The following MICALL2 variants were observed in gnomAD, a reference collection of about 807,000 sequenced individuals.
MICALL2 encodes MICAL like 2.
MICALL2 carries 111 observed loss-of-function variants against 91.1 expected under a neutral mutation model. The ratio of observed to expected loss-of-function variants is 1.22; its 90% CI spans 1.04 to 1.43. MICALL2 has a LOEUF of 1.43. MICALL2 is among the 40% of genes most tolerant of loss of function. The pLI, the probability that MICALL2 is intolerant of heterozygous loss-of-function variation, is 0.00. For missense variants in MICALL2, 1,556 were observed against 1,236.0 expected, an observed-to-expected ratio of 1.26 and a Z score of -3.88; for synonymous variants, 694 against 525.3, an observed-to-expected ratio of 1.32 and a Z score of -4.39.
chr7:1,439,358 C>A (rs548439163), intron 9 of MICALL2: 21 of 251,058 alleles, frequency 8.4e-5, no homozygotes, highest in South Asian at 8.2e-4. Context: ...GCATCACATT[C>A]ATGAAACAGA....
intron 2 of MICALL2, 127 bp from the exon 3 acceptor site, chr7:1,448,888 T>C: frequency 8.7e-7 from 1 of 1,148,198 alleles, no homozygotes; most frequent in Non-Finnish European, 1.2e-6. Context: ...AGGCCGGAGC[T>C]GAGTTCTGCT....
intron 2 of MICALL2, 137 bp from the exon 3 acceptor site, chr7:1,448,898 T>G: frequency 2.0e-6 from 2 of 1,008,990 alleles, no homozygotes; most frequent in South Asian, 3.1e-5. Flanking sequence ...TGAGTTCTGC[T>G]CGCGTGGCCT....
intron 9 of MICALL2, chr7:1,439,649 C>T: frequency 2.7e-6 from 1 of 375,664 alleles, no homozygotes; most frequent in Middle Eastern, 6.7e-4. Context: ...GCATCACGTG[C>T]ACATGCATCA....
At chr7:1,458,568 G>T (rs1243324412) in intron 1 of MICALL2, among the ~76,000 whole-genome samples, 1 of 152,238 alleles carries the variant, frequency 6.6e-6, no homozygotes, top group East Asian at 1.9e-4. Context: ...AGCTACACAC[G>T]CCAAGACCCT....
At chr7:1,445,816 G>A (rs112142017) in intron 5 of MICALL2, among the ~76,000 whole-genome samples, 8 of 152,240 alleles carry the variant, frequency 5.3e-5, no homozygotes, top group African/African-American at 1.9e-4. Context: ...ATGGAACTGG[G>A]AGGACCGGCC....
intron 6 of MICALL2, among the ~76,000 whole-genome samples, chr7:1,443,650 G>A (rs992828690): frequency 3.9e-5 from 6 of 152,204 alleles, no homozygotes; most frequent in East Asian, 1.9e-4. Flanking sequence ...CAGACAGAGA[G>A]AAGGCCACAT....
chr7:1,440,726 T>C (rs1198574421), intron 7 of MICALL2, 42 bp from the exon 8 acceptor site: 1 of 1,541,140 alleles, frequency 6.5e-7, no homozygotes, highest in South Asian at 1.1e-5. Flanking sequence ...GAAGGAGTGC[T>C]GGGAATGGGG....
chr7:1,439,625 A>C (rs890075128), intron 9 of MICALL2: 10 of 333,416 alleles, frequency 3.0e-5, no homozygotes, highest in African/African-American at 2.1e-4. Flanking sequence ...ATACATGAAC[A>C]GACACATGGA....
At chr7:1,457,110 T>C (rs1781045554) in intron 1 of MICALL2, among the ~76,000 whole-genome samples, 1 of 152,128 alleles carries the variant, frequency 6.6e-6, no homozygotes, top group Non-Finnish European at 1.5e-5. Context: ...TGGCTGCACC[T>C]CTCTGATCTC....
chr7:1,443,550 G>T (rs936216130), intron 6 of MICALL2, among the ~76,000 whole-genome samples: 1 of 152,228 alleles, frequency 6.6e-6, no homozygotes, highest in Non-Finnish European at 1.5e-5. Context: ...CATCTTGGCA[G>T]TTATGATCAT....
At position 1,459,165 on chromosome 7, in the gene MICALL2, G is replaced by T; in HGVS notation, c.143+19C>A. 6.3e-7 allele frequency: 1 copy of T among 1,599,120 alleles called. No individual in the cohort carries two copies. The highest frequency in any genetic ancestry group is 8.5e-7 in the Non-Finnish European group (1 of 1,171,728). On this transcript the variant is annotated intron_variant, in intron 1 of 16. Coordinates refer to ENST00000297508, the MANE Select transcript of MICALL2 (RefSeq NM_182924.4). ...CAGCCGAACAGCAGAAGAATCAAAGGGCGCCAGGCAGGACTTACATGAGGT... is the reference window on the plus strand; with the variant it reads ...CAGCCGAACAGCAGAAGAATCAAAGTGCGCCAGGCAGGACTTACATGAGGT...
In MICALL2 at chr7:1,436,451, G is replaced by A. The variant is rs373395982; in HGVS notation, c.2591+291C>T. 1.2e-4 allele frequency among the ~76,000 whole-genome samples: 18 copies of A among 150,498 alleles called. 1 individual carries two copies. The highest frequency in any genetic ancestry group is 4.2e-4 in the African/African-American group (17 of 40,462). On this transcript the variant is annotated intron_variant, in intron 15 of 16. Transcript: ENST00000297508. ...GCCTGTAATCCCAGCTACTCGAGAA[G>A]CTGAGGCAAGAGAATCATTTGAACC...
In MICALL2 at chr7:1,445,403, G is replaced by A. The variant is rs1383705141; in HGVS notation, c.667C>T (p.His223Tyr). Residue 223 changes from histidine (H) to tyrosine (Y), a missense_variant, in exon 6 of 17, where the codon CAC becomes TAC. Physicochemically the swap from His to Tyr is moderately conservative, Grantham distance 83 (BLOSUM62 2). Coordinates refer to ENST00000297508, the MANE Select transcript of MICALL2 (RefSeq NM_182924.4). Reference sequence around the variant, plus strand: ...CCTGTGGCCTTGTAGGCCCCCGAGTGCAGCGTGCAGGAGCACTGCTTACAC... The same window carrying A: ...CCTGTGGCCTTGTAGGCCCCCGAGTACAGCGTGCAGGAGCACTGCTTACAC... ...FRCKQCSCTL[H>Y]SGAYKATGEP... 6.4e-7 allele frequency: 1 copy of A among 1,559,134 alleles called. No homozygotes were observed. Among genetic ancestry groups the A allele is most frequent in the African/African-American group, 1.4e-5 (1 of 73,906 alleles).
chr7:1,439,485 A>G (rs1203802459), intron 9 of MICALL2: 2 of 72,648 alleles, frequency 2.8e-5, no homozygotes, highest in Non-Finnish European at 4.5e-5. Flanking sequence ...ACATGGACAC[A>G]TGCATCACGT....
intron 1 of MICALL2, 58 bp from the exon 2 acceptor site, chr7:1,450,346 G>A: frequency 1.4e-6 from 2 of 1,383,222 alleles, no homozygotes; most frequent in Non-Finnish European, 2.1e-6. Flanking sequence ...GGAGGGGCTG[G>A]AGGGCCTCAG....
At position 1,459,211 on chromosome 7, in the gene MICALL2, A is replaced by G. The variant is rs1303712211; in HGVS notation, c.116T>C (p.Ile39Thr). Reference sequence around the variant, plus strand: ...GAGGTCGGGCCGGTGGCGGTGCAGGATGGCGCAGAAAGCCAGGCCGTCGCG... The same window carrying G: ...GAGGTCGGGCCGGTGGCGGTGCAGGGTGGCGCAGAAAGCCAGGCCGTCGCG... Reference protein sequence around the residue: ...SFRDGLAFCAILHRHRPDLIN... With the variant: ...SFRDGLAFCATLHRHRPDLIN... The change falls in exon 1 of 17, where the codon ATC becomes ACC. Residue 39 changes from isoleucine to threonine, a missense_variant. Transcript: ENST00000297508. 6.2e-7 allele frequency: 1 copy of G among 1,610,774 alleles called. No individual in the cohort carries two copies. The highest frequency in any genetic ancestry group is 2.2e-5 in the East Asian group (1 of 44,692).
At chr7:1,439,291 ATG>A (rs757615380) in intron 9 of MICALL2, 66 of 415,636 alleles carry the variant, frequency 1.6e-4, no homozygotes, top group African/African-American at 3.6e-4. Context: ...ACACACAGAG[ATG>A]TGTGTGCACA....
rs1278227224 is a variant in MICALL2 at position 1,444,994 on chromosome 7, G to C, written c.1076C>G (p.Ala359Gly). The change falls in exon 6 of 17, where the codon GCC (alanine) becomes GGC (glycine). Residue 359 changes from alanine (A) to glycine (G), a missense_variant. Coordinates refer to ENST00000297508, the MANE Select transcript of MICALL2 (RefSeq NM_182924.4). ...ACTCGGGGGCACGGCGGGATGGGAG[G>C]CAGCCGCTGCTGTGCACGGGGCAGC... ...SSAAPCTAAAASHPAVPPSAP... is the reference protein window; with the variant it reads ...SSAAPCTAAAGSHPAVPPSAP... 1 of 1,507,854 alleles carries C rather than the reference G, an allele frequency of 6.6e-7. No homozygotes were observed. The highest frequency in any genetic ancestry group is 1.4e-5 in the African/African-American group (1 of 72,332). The allele number at this position is 1,507,854 out of a possible 1,614,324, so 93.4% of individuals were successfully genotyped here. A position where few individuals can be genotyped will look rare whatever the true frequency, so the allele number is the denominator to read the frequency against.
At chr7:1,447,871 GA>G in intron 3 of MICALL2, 106 bp from the exon 4 acceptor site, 1 of 892,678 alleles carries the variant, frequency 1.1e-6, no homozygotes, top group Admixed American at 3.7e-5. Context: ...GCCCGGGGGG[GA>G]CCTGGGGGCC....
Sources: allele counts gnomAD v4.1 joint callset (sites outside exome capture counted in the v4.1 genomes callset), GRCh38; gene constraint gnomAD v4.1.1; transcripts MANE v1.5; gene names NCBI Gene and HGNC (gene_info 2026-07-23, HGNC 2026-07-21).